RSRC1: variants seen among roughly 807,000 people sequenced by gnomAD.
RSRC1 encodes serine/Arginine-related protein 53.
RSRC1 carries 39 observed loss-of-function variants against 49.1 expected under a neutral mutation model. The observed-to-expected ratio is 0.79, with a 90% CI of 0.61 to 1.04. The LOEUF is 1.04. Ranked by LOEUF, RSRC1 falls within the 50% of genes least tolerant of loss-of-function variation. RSRC1 has a pLI of 0.00. For missense variants in RSRC1, 388 were observed against 402.4 expected, an observed-to-expected ratio of 0.96 and a Z score of 0.31; for synonymous variants, 143 against 130.8, an observed-to-expected ratio of 1.09 and a Z score of -0.63.
intron 4 of RSRC1, among the ~76,000 whole-genome samples, chr3:158,235,167 A>G (rs529692900): frequency 6.6e-6 from 1 of 152,064 alleles, no homozygotes; most frequent in South Asian, 2.1e-4. Context: ...TGATGCATAG[A>G]GTTGTTTTTA....
chr3:158,218,262 T>C (rs1053836540), intron 4 of RSRC1, among the ~76,000 whole-genome samples: 1 of 151,550 alleles, frequency 6.6e-6, no homozygotes. Flanking sequence ...GGAAAACAGA[T>C]TGCAGAGGGA....
At position 158,110,167 on chromosome 3, in the gene RSRC1, AG is replaced by A. The variant is rs1311062802; in HGVS notation, c.-56del. The A allele has an allele frequency of 6.6e-6, 1 of 152,270 alleles. No homozygotes were observed. Among genetic ancestry groups the A allele is most frequent in the Non-Finnish European group, 1.5e-5 (1 of 68,068 alleles). The allele number at this position is 152,270 out of a possible 1,614,324, so 9.4% of individuals were successfully genotyped here. A position where few individuals can be genotyped will look rare whatever the true frequency, so the allele number is the denominator to read the frequency against. On this transcript the variant is annotated 5_prime_UTR_variant, in exon 1 of 10. Transcript: ENST00000611884. ...GCGCCCTGATCTAAAGAAACGACTC[AG>A]GGACTGCGGCGCTTGCACGTCAACG... is the stretch of plus-strand genomic sequence containing the variant.
intron 6 of RSRC1, among the ~76,000 whole-genome samples, chr3:158,441,245 CAT>C (rs575338312): frequency 7.9e-5 from 12 of 152,122 alleles, no homozygotes; most frequent in Non-Finnish European, 1.8e-4. Context: ...TTCATTGAGT[CAT>C]ATATTAAGCA....
At chr3:158,319,129 C>G (rs1372673436) in intron 5 of RSRC1, among the ~76,000 whole-genome samples, 5 of 152,258 alleles carry the variant, frequency 3.3e-5, no homozygotes, top group African/African-American at 1.2e-4. Context: ...TGGTTTGGCT[C>G]CACATCCCCA....
chr3:158,445,668 A>G (rs1412374314), intron 6 of RSRC1, among the ~76,000 whole-genome samples: 6 of 152,076 alleles, frequency 3.9e-5, no homozygotes, highest in Non-Finnish European at 8.8e-5. Context: ...AACAACGAAA[A>G]AAACGAAGTA....
At chr3:158,238,870 G>T (rs1346831000) in intron 4 of RSRC1, among the ~76,000 whole-genome samples, 1 of 151,942 alleles carries the variant, frequency 6.6e-6, no homozygotes, top group Admixed American at 6.6e-5. Context: ...GACAAATGGG[G>T]TCTAATTAAA....
chr3:158,504,058 T>G (rs914026457), intron 7 of RSRC1, among the ~76,000 whole-genome samples: 1 of 152,214 alleles, frequency 6.6e-6, no homozygotes. Flanking sequence ...TTCTGCTGCT[T>G]CTTCTACCCC....
intron 4 of RSRC1, among the ~76,000 whole-genome samples, chr3:158,254,463 G>A (rs989868965): frequency 3.3e-5 from 5 of 151,520 alleles, no homozygotes; most frequent in Admixed American, 1.3e-4. Context: ...ACGGAGTCTC[G>A]CTCTGTCGCT....
At chr3:158,352,196 C>G (rs936587466) in intron 5 of RSRC1, among the ~76,000 whole-genome samples, 1 of 151,964 alleles carries the variant, frequency 6.6e-6, no homozygotes, top group East Asian at 1.9e-4. Flanking sequence ...TACTTAAGCC[C>G]AGGAGTTCAA....
chr3:158,307,997 G>A (rs1220074953), intron 5 of RSRC1, among the ~76,000 whole-genome samples: 1 of 151,776 alleles, frequency 6.6e-6, no homozygotes, highest in Non-Finnish European at 1.5e-5. Context: ...ACATTTTTAT[G>A]TTTTAGCTAA....
chr3:158,274,933 TAAGA>T (rs1417751195), intron 4 of RSRC1, among the ~76,000 whole-genome samples: 3 of 152,180 alleles, frequency 2.0e-5, no homozygotes, highest in Non-Finnish European at 4.4e-5. Context: ...CTGAATAGAC[TAAGA>T]ATGATGTACT....
At chr3:158,398,580 T>G (rs1279159237) in intron 6 of RSRC1, among the ~76,000 whole-genome samples, 1 of 152,112 alleles carries the variant, frequency 6.6e-6, no homozygotes, top group East Asian at 1.9e-4. Flanking sequence ...GGGGATTAAG[T>G]TTCAAAATGA....
At chr3:158,364,202 G>T (rs1029538098) in intron 6 of RSRC1, among the ~76,000 whole-genome samples, 1 of 152,108 alleles carries the variant, frequency 6.6e-6, no homozygotes, top group African/African-American at 2.4e-5. Flanking sequence ...CTTTGATAAT[G>T]TTGTACTGTT....
chr3:158,541,452 A>C (rs993490188), intron 8 of RSRC1, among the ~76,000 whole-genome samples: 1 of 152,218 alleles, frequency 6.6e-6, no homozygotes, highest in Non-Finnish European at 1.5e-5. Context: ...GACAGGAACC[A>C]TATCTATTTG....
chr3:158,449,560 C>T (rs939376374), intron 6 of RSRC1, among the ~76,000 whole-genome samples: 6 of 151,724 alleles, frequency 4.0e-5, no homozygotes, highest in African/African-American at 1.5e-4. Flanking sequence ...AATGGAGAAT[C>T]GTGAGAAATT....
At chr3:158,335,108 G>C (rs1444295169) in intron 5 of RSRC1, among the ~76,000 whole-genome samples, 1 of 152,106 alleles carries the variant, frequency 6.6e-6, no homozygotes, top group African/African-American at 2.4e-5. Context: ...CTAGGACTAG[G>C]AATAAAGGAA....
chr3:158,372,527 A>C (rs867355275), intron 6 of RSRC1, among the ~76,000 whole-genome samples: 2 of 151,906 alleles, frequency 1.3e-5, no homozygotes, highest in Middle Eastern at 3.2e-3. Context: ...CTTTTACTCA[A>C]TACCAGCCTT....
At chr3:158,158,348 G>A (rs995436145) in intron 3 of RSRC1, among the ~76,000 whole-genome samples, 6 of 152,230 alleles carry the variant, frequency 3.9e-5, no homozygotes, top group Non-Finnish European at 8.8e-5. Flanking sequence ...TGGGACTTGA[G>A]TATGTGCGGA....
intron 6 of RSRC1, among the ~76,000 whole-genome samples, chr3:158,402,901 A>G (rs1276499598): frequency 1.3e-5 from 2 of 151,912 alleles, no homozygotes; most frequent in African/African-American, 4.8e-5. Context: ...AGCTAGAGCC[A>G]GATGATAAAA....
Sources: allele counts gnomAD v4.1 joint callset (sites outside exome capture counted in the v4.1 genomes callset), GRCh38; gene constraint gnomAD v4.1.1; transcripts MANE v1.5; gene names NCBI Gene and HGNC (gene_info 2026-07-23, HGNC 2026-07-21).